Variants in PHLDB2 observed in about 807,000 individuals in gnomAD.
PHLDB2 encodes the protein pleckstrin homology like domain family B member 2, also known as pleckstrin homology-like domain family B member 2.
In PHLDB2, 71 loss-of-function variants were observed where a neutral mutation model predicts 123.6. The ratio of observed to expected loss-of-function variants is 0.57; its 90% confidence interval spans 0.47 to 0.70. The LOEUF (loss-of-function observed/expected upper bound fraction) is 0.70. PHLDB2 is among the 30% of genes least tolerant of loss of function. The pLI is 0.00. For missense variants in PHLDB2, 1,446 were observed against 1,519.5 expected (o/e 0.95, Z 0.80); for synonymous variants, 547 against 541.6 (o/e 1.01, Z -0.14).
intron 14 of PHLDB2, 105 bp from the exon 15 acceptor site, chr3:111,967,573 C>G (rs2071859735): frequency 1.6e-6 from 2 of 1,263,098 alleles, no homozygotes; most frequent in Non-Finnish European, 2.1e-6. Context: ...GACTAGTCTA[C>G]AAACCAAGAT....
chr3:111,747,201 G>A (rs1162244434), intron 1 of PHLDB2, among the ~76,000 whole-genome samples: 2 of 152,168 alleles, frequency 1.3e-5, no homozygotes, highest in East Asian at 3.9e-4. Flanking sequence ...ATGTAGCATA[G>A]CAAGCTTCCA....
chr3:111,788,655 C>T (rs188182734), intron 1 of PHLDB2, among the ~76,000 whole-genome samples: 24 of 152,316 alleles, frequency 1.6e-4, no homozygotes, highest in Admixed American at 1.4e-3. Flanking sequence ...GCTTGTCCAA[C>T]CTGAAGCCTG....
At chr3:111,817,142 T>A (rs2062118821) in intron 1 of PHLDB2, among the ~76,000 whole-genome samples, 1 of 152,156 alleles carries the variant, frequency 6.6e-6, no homozygotes, top group Non-Finnish European at 1.5e-5. Flanking sequence ...GGCATGTCTT[T>A]ATCAGCAATG....
rs2065048571 is a variant in PHLDB2, at chr3:111,866,001, AC to A, written c.-15+6429del. ...TTACTTTACAATATTTTAGAAACCT[AC>A]CCCACCCACTCATTTTTTTTTTTTT... On this transcript the variant is annotated intron_variant, in intron 1 of 17. Transcript: ENST00000431670. Among the ~76,000 whole-genome samples the A allele has an allele frequency of 5.3e-5, 5 of 94,198 alleles. No homozygotes were observed. The Admixed American group carries it at 5.8e-4, about 11-fold the overall frequency. The allele number at this position is 94,198 out of a possible 152,430, so 61.8% of individuals were successfully genotyped here. A position where few individuals can be genotyped will look rare whatever the true frequency, so the allele number is the denominator to read the frequency against.
intron 6 of PHLDB2, among the ~76,000 whole-genome samples, chr3:111,935,085 G>A (rs982575892): frequency 8.3e-5 from 12 of 145,048 alleles, no homozygotes; most frequent in Non-Finnish European, 1.7e-4. Context: ...GTTGATTTTG[G>A]TATCTTGATT....
intron 1 of PHLDB2, 146 bp downstream of exon 1, chr3:111,859,722 G>T: frequency 1.0e-6 from 1 of 985,444 alleles, no homozygotes; most frequent in South Asian, 4.7e-5. Flanking sequence ...AGAGGAGGCA[G>T]TGGCTGCCCG....
rs1339392777 is a variant in PHLDB2, at chr3:111,805,911, GA to G, written c.-48-39908del. Among the ~76,000 whole-genome samples the G allele has an allele frequency of 1.3e-4, 18 of 139,402 alleles. 1 individual carries two copies. Among genetic ancestry groups the G allele is most frequent in the African/African-American group, 5.1e-4 (18 of 35,252 alleles). The allele number at this position is 139,402 out of a possible 152,430, so 91.5% of individuals were successfully genotyped here. On this transcript the variant is annotated intron_variant, in intron 1 of 17. Coordinates refer to the PHLDB2 transcript ENST00000393923. Reference sequence around the variant, plus strand: ...GAAGTCAAGAAAGAAGCCAGTCACAGAAGACTACATTTTGTATTATATAAAA... The same window carrying G: ...GAAGTCAAGAAAGAAGCCAGTCACAGAGACTACATTTTGTATTATATAAAA...
At chr3:111,956,011 A>G (rs1446032513) in intron 12 of PHLDB2, among the ~76,000 whole-genome samples, 2 of 152,206 alleles carry the variant, frequency 1.3e-5, no homozygotes, top group Non-Finnish European at 2.9e-5. Flanking sequence ...CCTGGGCAAC[A>G]TAGTGAGATC....
intron 1 of PHLDB2, among the ~76,000 whole-genome samples, chr3:111,796,651 A>G (rs935496082): frequency 6.6e-6 from 1 of 152,052 alleles, no homozygotes; most frequent in South Asian, 2.1e-4. Context: ...TTTGTGCCTC[A>G]GTCACCTGAG....
chr3:111,863,989 C>G (rs1186516647), intron 1 of PHLDB2, among the ~76,000 whole-genome samples: 2 of 152,134 alleles, frequency 1.3e-5, no homozygotes, highest in Non-Finnish European at 2.9e-5. Context: ...ATCTAATACT[C>G]AAATCTGACA....
intron 1 of PHLDB2, among the ~76,000 whole-genome samples, chr3:111,803,415 C>T (rs529457724): frequency 5.3e-5 from 8 of 152,160 alleles, no homozygotes; most frequent in South Asian, 2.1e-4. Context: ...TGAAACTTCC[C>T]GGGAGAATGT....
At chr3:111,795,958 G>A (rs139691236) in intron 1 of PHLDB2, among the ~76,000 whole-genome samples, 3,925 of 152,198 alleles carry the variant, frequency 0.026, 68 homozygotes, top group South Asian at 0.061. Context: ...GTGCAGTGGC[G>A]CGATCTCGGC....
intron 2 of PHLDB2, among the ~76,000 whole-genome samples, chr3:111,847,304 T>A (rs2064038936): frequency 6.6e-6 from 1 of 152,178 alleles, no homozygotes; most frequent in South Asian, 2.1e-4. Flanking sequence ...ATGTATGAAG[T>A]TCTGAGAGAC....
intron 2 of PHLDB2, among the ~76,000 whole-genome samples, chr3:111,903,489 G>A (rs934129166): frequency 6.6e-5 from 10 of 152,134 alleles, no homozygotes; most frequent in African/African-American, 2.2e-4. Flanking sequence ...AGGGAATTTT[G>A]TGTCCTTCTA....
chr3:111,792,090 C>T (rs926408437), intron 1 of PHLDB2, among the ~76,000 whole-genome samples: 3 of 152,132 alleles, frequency 2.0e-5, no homozygotes, highest in Admixed American at 1.3e-4. Context: ...TGTCTATATG[C>T]TCTACTAATG....
intron 1 of PHLDB2, among the ~76,000 whole-genome samples, chr3:111,807,572 T>TA (rs1033702010): frequency 6.6e-6 from 1 of 151,708 alleles, no homozygotes; most frequent in African/African-American, 2.4e-5. Flanking sequence ...AATAAAAATT[T>TA]AAAAAAAATA....
intron 1 of PHLDB2, among the ~76,000 whole-genome samples, chr3:111,745,932 A>C (rs2059674612): frequency 6.6e-6 from 1 of 152,150 alleles, no homozygotes; most frequent in African/African-American, 2.4e-5. Context: ...TCACCTGAGT[A>C]CCTCCAAACC....
chr3:111,895,554 T>C (rs1373802077), intron 2 of PHLDB2, among the ~76,000 whole-genome samples: 2 of 152,178 alleles, frequency 1.3e-5, no homozygotes, highest in South Asian at 2.1e-4. Flanking sequence ...CCAACAAATA[T>C]ATAGGAGTGG....
chr3:111,879,721 T>C (rs901828992), intron 1 of PHLDB2, among the ~76,000 whole-genome samples: 2 of 152,188 alleles, frequency 1.3e-5, no homozygotes, highest in African/African-American at 4.8e-5. Flanking sequence ...CTTCAGCCAT[T>C]TGCTATAGTT....
Sources: allele counts gnomAD v4.1 joint callset (sites outside exome capture counted in the v4.1 genomes callset), GRCh38; gene constraint gnomAD v4.1.1; transcripts MANE v1.5; gene names NCBI Gene and HGNC (gene_info 2026-07-23, HGNC 2026-07-21).